The following OPCML variants were observed in gnomAD, a reference collection of about 807,000 sequenced individuals.
OPCML encodes the protein opioid binding protein/cell adhesion molecule like.
A neutral mutation model predicts 37.8 loss-of-function variants in OPCML; 13 were observed. That is an observed-to-expected ratio of 0.34 (90% CI 0.22 to 0.55). The LOEUF (loss-of-function observed/expected upper bound fraction) is 0.55. Among genes scored for constraint, OPCML ranks in the 20% least tolerant of loss-of-function variants. The probability of loss-of-function intolerance (pLI) is 0.91; values close to 1 mark genes in which losing one functional copy is unlikely to be tolerated. For missense variants in OPCML, 341 were observed against 435.6 expected, an observed-to-expected ratio of 0.78 and a Z score of 1.93; for synonymous variants, 176 against 168.8, an observed-to-expected ratio of 1.04 and a Z score of -0.33.
At chr11:133,495,598 T>G (rs1307907824) in intron 1 of OPCML, among the ~76,000 whole-genome samples, 1 of 152,184 alleles carries the variant, frequency 6.6e-6, no homozygotes, top group East Asian at 1.9e-4. Flanking sequence ...TGGCCATTCT[T>G]GCAAAAGTAA....
At chr11:133,047,821 T>C (rs766127725) in intron 1 of OPCML, among the ~76,000 whole-genome samples, 12 of 152,338 alleles carry the variant, frequency 7.9e-5, no homozygotes, top group Non-Finnish European at 1.6e-4. Flanking sequence ...GTTGAGGCTG[T>C]GTTAATTAAA....
chr11:133,237,633 A>G (rs1214455166), intron 1 of OPCML, among the ~76,000 whole-genome samples: 1 of 152,232 alleles, frequency 6.6e-6, no homozygotes, highest in Non-Finnish European at 1.5e-5. Flanking sequence ...AGGCATAGCC[A>G]AAGAGGTAAT....
At chr11:132,687,854 G>A (rs949133175) in intron 2 of OPCML, among the ~76,000 whole-genome samples, 2 of 152,006 alleles carry the variant, frequency 1.3e-5, no homozygotes, top group African/African-American at 4.8e-5. Context: ...AAAAGTAGAG[G>A]GGTAGACTTT....
chr11:132,907,629 CA>C (rs36051091), intron 2 of OPCML, among the ~76,000 whole-genome samples: 8,093 of 122,600 alleles, frequency 0.066, 313 homozygotes, highest in Middle Eastern at 0.16. Context: ...AACTCTGTCT[CA>C]AAAAAAAAAA....
chr11:133,319,703 C>T (rs1327152667), intron 1 of OPCML, among the ~76,000 whole-genome samples: 1 of 152,144 alleles, frequency 6.6e-6, no homozygotes, highest in East Asian at 1.9e-4. Flanking sequence ...AGTGTTAACT[C>T]ATCCAGTGAG....
chr11:132,464,201 G>T (rs2096112392), intron 4 of OPCML, among the ~76,000 whole-genome samples: 2 of 152,300 alleles, frequency 1.3e-5, no homozygotes, highest in African/African-American at 4.8e-5. Context: ...TCCAAAAAGT[G>T]CTTGTGTCCC....
chr11:133,032,966 T>C (rs1398582128), intron 1 of OPCML, among the ~76,000 whole-genome samples: 2 of 152,132 alleles, frequency 1.3e-5, no homozygotes, highest in African/African-American at 2.4e-5. Flanking sequence ...TAAATATATA[T>C]AATTACTCTA....
rs117671974 is a variant in OPCML, at chr11:132,943,832, G to C, written c.62-822C>G. On this transcript the variant is annotated intron_variant, in intron 1 of 7. Coordinates refer to ENST00000524381, the MANE Select transcript of OPCML (RefSeq NM_001012393.5). This position sits in a 1 kb window ranked among gnomAD's most constrained non-coding sequence, Gnocchi z 4.3. ...CCCGCCTCCTCCGGGGACGCGGCAC[G>C]AGACGCGGGGACGCGCGGACGCCAC... 6.7e-6 allele frequency: 1 copy of C among 150,334 alleles called. No homozygotes were observed. Among genetic ancestry groups the C allele is most frequent in the Non-Finnish European group, 1.5e-5 (1 of 67,416 alleles). The allele number at this position is 150,334 out of a possible 1,614,324, so 9.3% of individuals were successfully genotyped here. A position where few individuals can be genotyped will look rare whatever the true frequency, so the allele number is the denominator to read the frequency against.
intron 3 of OPCML, among the ~76,000 whole-genome samples, chr11:132,635,948 G>A (rs1206765132): frequency 1.3e-5 from 2 of 152,046 alleles, no homozygotes; most frequent in Admixed American, 1.3e-4. Context: ...AATTTAGATA[G>A]CTACATGTTG....
chr11:133,256,135 G>A (rs558955206), intron 1 of OPCML, among the ~76,000 whole-genome samples: 1 of 152,280 alleles, frequency 6.6e-6, no homozygotes, highest in South Asian at 2.1e-4. Flanking sequence ...AAGTTTAGGA[G>A]TCCTGAAGGA....
chr11:133,007,536 G>C (rs1331643770), intron 1 of OPCML: 11 of 985,210 alleles, frequency 1.1e-5, no homozygotes, highest in African/African-American at 1.7e-5. Context: ...GCAGGGTGGG[G>C]AACTGAGCAT....
intron 1 of OPCML, among the ~76,000 whole-genome samples, chr11:133,334,331 T>G (rs1943695056): frequency 6.6e-6 from 1 of 151,996 alleles, no homozygotes; most frequent in Admixed American, 6.6e-5. Context: ...AAGAACAAGA[T>G]CATGTCTTTT....
chr11:132,775,760 A>G (rs1381265062), intron 2 of OPCML, among the ~76,000 whole-genome samples: 3 of 152,232 alleles, frequency 2.0e-5, no homozygotes, highest in African/African-American at 7.2e-5. Context: ...CCTCTTTCAA[A>G]GAATGCCAGC....
chr11:133,410,292 C>G (rs543210806), intron 1 of OPCML, among the ~76,000 whole-genome samples: 165 of 152,220 alleles, frequency 1.1e-3, no homozygotes, highest in African/African-American at 3.7e-3. Flanking sequence ...TCCAAGTGGC[C>G]TGGGCTGATG....
chr11:133,156,032 C>T (rs1373938366), intron 1 of OPCML, among the ~76,000 whole-genome samples: 1 of 152,186 alleles, frequency 6.6e-6, no homozygotes, highest in African/African-American at 2.4e-5. Context: ...CACCAGTATT[C>T]ATTTCTCACC....
intron 1 of OPCML, among the ~76,000 whole-genome samples, chr11:133,135,904 T>A (rs1359548617): frequency 6.6e-6 from 1 of 152,206 alleles, no homozygotes; most frequent in Non-Finnish European, 1.5e-5. Flanking sequence ...GTAAGCAGAA[T>A]GTAATTACCC....
At chr11:132,637,761 G>A (rs1490680089) in intron 3 of OPCML, among the ~76,000 whole-genome samples, 1 of 152,108 alleles carries the variant, frequency 6.6e-6, no homozygotes, top group Non-Finnish European at 1.5e-5. Flanking sequence ...CAGTGCTCAG[G>A]ACACATAGAC....
At chr11:133,528,911 A>G (rs1386524052) in intron 1 of OPCML, among the ~76,000 whole-genome samples, 1 of 152,196 alleles carries the variant, frequency 6.6e-6, no homozygotes, top group East Asian at 1.9e-4. Flanking sequence ...TCTGAATTTG[A>G]GCAAAGAAGT....
chr11:133,434,768 C>T (rs1946196120), intron 1 of OPCML, among the ~76,000 whole-genome samples: 1 of 135,294 alleles, frequency 7.4e-6, no homozygotes, highest in Non-Finnish European at 1.5e-5. Context: ...CAAGTGATGG[C>T]TTTGGCCAGA....
Sources: gnomAD v4.1 joint callset for allele counts (sites outside exome capture counted in the v4.1 genomes callset) on GRCh38, gnomAD v4.1.1 for gene constraint, Gnocchi (gnomAD v3.1) non-coding constraint, MANE v1.5 for transcripts, NCBI Gene and HGNC (gene_info 2026-07-23, HGNC 2026-07-21) for gene names.